Variants in FKBP9 observed in about 807,000 individuals in gnomAD.
FKBP9 encodes peptidyl-prolyl cis-trans isomerase FKBP9.
FKBP9 carries 27 observed loss-of-function variants against 55.6 expected under a neutral mutation model. The observed-to-expected ratio is 0.49, with a 90% CI of 0.36 to 0.67. The LOEUF (loss-of-function observed/expected upper bound fraction) is 0.67. FKBP9 is among the 30% of genes least tolerant of loss of function. The probability of loss-of-function intolerance (pLI) is 0.00; values close to 1 mark genes in which losing one functional copy is unlikely to be tolerated. For synonymous variants in FKBP9, 267 were observed against 296.5 expected (o/e 0.90, Z 1.02); for missense variants, 539 against 742.8 (o/e 0.73, Z 3.19).
At chr7:32,972,553 A>T (rs115015946) in intron 1 of FKBP9, among the ~76,000 whole-genome samples, 4,978 of 152,344 alleles carry the variant, frequency 0.033, 220 homozygotes, top group East Asian at 0.19. Flanking sequence ...TAATTACATT[A>T]TCATTTTGAA....
rs1784452476 is a variant in FKBP9 at position 32,980,449 on chromosome 7, G to A, written c.789G>A (p.Glu263=). The A allele has an allele frequency of 6.2e-7, 1 of 1,613,848 alleles. No homozygotes were observed. Residue 263 remains glutamate, a synonymous_variant, in exon 5 of 10, where the codon GAG becomes GAA. Transcript: ENST00000242209. ...ACCCCAAGGACAGCATTTCCATTGA[G>A]AACAAGGTAGTACCTGAAAACTGTG... The part of the protein sequence containing the change: ...LHNPKDSISI[E]NKVVPENCER...
intron 7 of FKBP9, among the ~76,000 whole-genome samples, chr7:32,997,748 A>G (rs1784847101): frequency 6.6e-6 from 1 of 152,136 alleles, no homozygotes; most frequent in African/African-American, 2.4e-5. Flanking sequence ...GAATCTCTTG[A>G]ATCTGGGAGG....
intron 2 of FKBP9, 29 bp from the exon 3 acceptor site, chr7:32,975,153 G>A: frequency 6.3e-7 from 1 of 1,593,268 alleles, no homozygotes; most frequent in Non-Finnish European, 8.6e-7. Flanking sequence ...CAGCAACTGT[G>A]AACTCAGTGT....
chr7:32,962,519 G>A (rs1189132922), intron 1 of FKBP9, among the ~76,000 whole-genome samples: 4 of 151,832 alleles, frequency 2.6e-5, no homozygotes, highest in African/African-American at 9.7e-5. Flanking sequence ...TGTTGCCCAG[G>A]CTGGTGTGCA....
intron 1 of FKBP9, among the ~76,000 whole-genome samples, chr7:32,966,686 A>G (rs1179751032): frequency 6.6e-6 from 1 of 152,146 alleles, no homozygotes; most frequent in Non-Finnish European, 1.5e-5. Context: ...ATTGGCTCAC[A>G]GTTCTGCAGG....
At chr7:32,983,913 T>G (rs1193524001) in intron 5 of FKBP9, among the ~76,000 whole-genome samples, 1 of 151,424 alleles carries the variant, frequency 6.6e-6, no homozygotes, top group African/African-American at 2.4e-5. Flanking sequence ...GGCATTTGTC[T>G]GTTTCTTGTT....
intron 1 of FKBP9, among the ~76,000 whole-genome samples, chr7:32,973,554 T>C (rs1225287480): frequency 7.4e-5 from 10 of 135,682 alleles, no homozygotes; most frequent in Non-Finnish European, 9.3e-5. Flanking sequence ...GTGTTTAACT[T>C]AGCTGGATGA....
intron 8 of FKBP9, 146 bp downstream of exon 8, chr7:33,000,406 T>C: frequency 7.9e-7 from 1 of 1,268,520 alleles, no homozygotes; most frequent in Non-Finnish European, 1.1e-6. Flanking sequence ...AAAAAATTAT[T>C]TAGTATTTTT....
At chr7:32,992,739 A>G (rs1332406807) in intron 6 of FKBP9, 6 of 216,012 alleles carry the variant, frequency 2.8e-5, no homozygotes, top group Non-Finnish European at 4.7e-5. Context: ...AACTCCATCT[A>G]TCCATCCATC....
At chr7:32,993,502 T>C (rs1784724083) in intron 6 of FKBP9, among the ~76,000 whole-genome samples, 1 of 152,208 alleles carries the variant, frequency 6.6e-6, no homozygotes, top group African/African-American at 2.4e-5. Flanking sequence ...AGCATAATGT[T>C]TTCAAGGTCT....
intron 1 of FKBP9, among the ~76,000 whole-genome samples, chr7:32,973,060 C>T (rs1472376928): frequency 2.0e-5 from 3 of 152,106 alleles, no homozygotes; most frequent in Non-Finnish European, 2.9e-5. Context: ...TATATCCCTC[C>T]GCGTCAGTGA....
chr7:32,961,565 A>C (rs1784025194), intron 1 of FKBP9, among the ~76,000 whole-genome samples: 3 of 152,204 alleles, frequency 2.0e-5, no homozygotes, highest in Admixed American at 2.0e-4. Context: ...TAAATAGAAC[A>C]GGGGTCCCTA....
intron 1 of FKBP9, among the ~76,000 whole-genome samples, chr7:32,965,886 G>T (rs68149141): frequency 0.34 from 30,679 of 89,208 alleles, 4,889 homozygotes; most frequent in Admixed American, 0.46. Flanking sequence ...TATATATATA[G>T]AGAGAGAGAG....
chr7:33,002,612 T>C (rs1784954153), intron 8 of FKBP9, 64 bp from the exon 9 acceptor site: 2 of 1,586,464 alleles, frequency 1.3e-6, no homozygotes, highest in Admixed American at 1.8e-5. Context: ...GGGTGGGTGC[T>C]GGTTGTTGGG....
intron 1 of FKBP9, among the ~76,000 whole-genome samples, chr7:32,972,950 A>C (rs2953548): frequency 6.6e-6 from 1 of 152,096 alleles, no homozygotes; most frequent in East Asian, 1.9e-4. Context: ...TCGAACTCCT[A>C]ATCTCAAGTG....
At chr7:32,971,889 T>C (rs572151813) in intron 1 of FKBP9, among the ~76,000 whole-genome samples, 3 of 152,340 alleles carry the variant, frequency 2.0e-5, no homozygotes, top group African/African-American at 7.2e-5. Flanking sequence ...TGGTGTAGTA[T>C]ATATTGAAGA....
chr7:32,971,434 A>G (rs927948481), intron 1 of FKBP9, among the ~76,000 whole-genome samples: 1 of 151,306 alleles, frequency 6.6e-6, no homozygotes, highest in African/African-American at 2.4e-5. Flanking sequence ...TGAGGCAACA[A>G]CTCTTTCTTT....
intron 9 of FKBP9, among the ~76,000 whole-genome samples, chr7:33,004,779 A>G (rs1024019771): frequency 2.0e-5 from 3 of 152,162 alleles, no homozygotes; most frequent in Non-Finnish European, 2.9e-5. Context: ...CAAGATCTAG[A>G]ACAGTGTGCT....
At chr7:32,977,679 T>C (rs1158387059) in intron 4 of FKBP9, among the ~76,000 whole-genome samples, 3 of 151,776 alleles carry the variant, frequency 2.0e-5, no homozygotes, top group Admixed American at 6.6e-5. Context: ...ATAGCCAGCT[T>C]ACAATAGCCA....
Sources: allele counts gnomAD v4.1 joint callset (sites outside exome capture counted in the v4.1 genomes callset), GRCh38; gene constraint gnomAD v4.1.1; transcripts MANE v1.5; gene names NCBI Gene and HGNC (gene_info 2026-07-23, HGNC 2026-07-21).